The following DYRK4 variants were observed in gnomAD, a reference collection of about 807,000 sequenced individuals.
The protein encoded by DYRK4 is dual specificity tyrosine phosphorylation regulated kinase 4.
DYRK4 carries 64 observed loss-of-function variants against 68.3 expected under a neutral mutation model. That is an observed-to-expected ratio of 0.94 (90% CI 0.77 to 1.15). The LOEUF is 1.15. Ranked by LOEUF, DYRK4 falls within the 50% of genes most tolerant of loss-of-function variation. The pLI is 0.00. For synonymous variants in DYRK4, 274 were observed against 289.9 expected (o/e 0.95, Z 0.56); for missense variants, 740 against 764.7 (o/e 0.97, Z 0.38).
chr12:4,572,355 C>G (rs565937051), intron 2 of DYRK4, among the ~76,000 whole-genome samples: 2 of 152,272 alleles, frequency 1.3e-5, no homozygotes, highest in Admixed American at 1.3e-4. Flanking sequence ...GATCTTGGCT[C>G]ACTGCAAGCT....
In DYRK4 at chr12:4,599,799, T is replaced by C. The variant is rs565349618; in HGVS notation, c.1126+11T>C. ...ATGAACACCAGAAAGGTGAGCCCCA[T>C]GTCAGTCCCATCATCTGAGTTTTCC... On this transcript the variant is annotated intron_variant, in intron 10 of 14. Coordinates refer to ENST00000543431, the MANE Select transcript of DYRK4 (RefSeq NM_001394779.1). The C allele has an allele frequency of 1.2e-6, 2 of 1,611,098 alleles. No homozygotes were observed. The highest frequency in any genetic ancestry group is 8.5e-7 in the Non-Finnish European group (1 of 1,178,032).
chr12:4,587,047 T>A (rs1483533219), intron 2 of DYRK4, among the ~76,000 whole-genome samples: 3 of 152,026 alleles, frequency 2.0e-5, no homozygotes, highest in African/African-American at 7.3e-5. Flanking sequence ...CCCATGAGCA[T>A]TATTTTATCA....
intron 2 of DYRK4, among the ~76,000 whole-genome samples, chr12:4,573,843 A>G (rs1010651187): frequency 2.0e-5 from 3 of 152,224 alleles, no homozygotes; most frequent in African/African-American, 7.2e-5. Context: ...TGTGTTGAGT[A>G]TATATAAAAT....
Position 4,591,394 on chromosome 12 carries a change from G to A in DYRK4, c.463+96G>A. 2 of 1,488,414 alleles carry A rather than the reference G, an allele frequency of 1.3e-6. No homozygotes were observed. Among genetic ancestry groups the A allele is most frequent in the South Asian group, 1.4e-5 (1 of 71,838 alleles). The allele number at this position is 1,488,414 out of a possible 1,614,324, so 92.2% of individuals were successfully genotyped here. ...GCTGGAGTGAGCTAAGCTGCCAGGT[G>A]TCAGAGTAGTCAAAGAAGGCAGCCA... On this transcript the variant is annotated intron_variant, in intron 5 of 14. Coordinates refer to ENST00000543431, the MANE Select transcript of DYRK4 (RefSeq NM_001394779.1). This position sits in a 1 kb window ranked among gnomAD's most constrained non-coding sequence, Gnocchi z 4.1.
At chr12:4,586,705 T>TACACACACAC (rs527544594) in intron 2 of DYRK4, among the ~76,000 whole-genome samples, 57 of 77,586 alleles carry the variant, frequency 7.3e-4, no homozygotes, top group African/African-American at 1.4e-3. Flanking sequence ...CTGGGCTGCG[T>TACACACACAC]ACACACACAC....
At chr12:4,563,276 C>T (rs1460217182) in intron 1 of DYRK4, 1 of 395,950 alleles carries the variant, frequency 2.5e-6, no homozygotes, top group Admixed American at 2.8e-5. Context: ...TGTTTTGGTC[C>T]TTATGGAGAA....
chr12:4,573,629 C>G (rs1944754846), intron 2 of DYRK4, among the ~76,000 whole-genome samples: 1 of 152,046 alleles, frequency 6.6e-6, no homozygotes, highest in Non-Finnish European at 1.5e-5. Flanking sequence ...CCTGCCCTCC[C>G]GGTGTGTGTT....
At chr12:4,586,175 C>T (rs1944894408) in intron 2 of DYRK4, among the ~76,000 whole-genome samples, 2 of 152,258 alleles carry the variant, frequency 1.3e-5, no homozygotes, top group African/African-American at 4.8e-5. Flanking sequence ...GCCTGGGTAA[C>T]AGGGCAAGAC....
intron 11 of DYRK4, among the ~76,000 whole-genome samples, chr12:4,606,424 AATTTC>A (rs1359324134): frequency 1.2e-4 from 19 of 152,210 alleles, no homozygotes; most frequent in Admixed American, 3.3e-4. Context: ...AAACATAGAT[AATTTC>A]ATTTCATGAT....
At chr12:4,580,230 T>G (rs1222220390) in intron 2 of DYRK4, among the ~76,000 whole-genome samples, 1 of 152,164 alleles carries the variant, frequency 6.6e-6, no homozygotes, top group African/African-American at 2.4e-5. Flanking sequence ...TTTCCACCTC[T>G]ACTAGGGACA....
rs372492666 is a variant in DYRK4, at chr12:4,610,119, A to C, written c.1361-36A>C. On this transcript the variant is annotated intron_variant, in intron 12 of 14. Transcript: ENST00000543431. ...CATCATGTGACCACTAAAGATTTAC[A>C]CCTGAAACTAAATACAGAATGTTCT... The C allele has an allele frequency of 4.3e-5, 66 of 1,540,028 alleles. 1 individual carries two copies. The highest frequency in any genetic ancestry group is 8.7e-7 in the Non-Finnish European group (1 of 1,148,478).
At chr12:4,602,381 T>C in intron 10 of DYRK4, 1 of 905,886 alleles carries the variant, frequency 1.1e-6, no homozygotes, top group Non-Finnish European at 1.8e-6. Flanking sequence ...CGTTTTGTAG[T>C]TCTTTCTGTC....
At position 4,599,037 on chromosome 12, in the gene DYRK4, G is replaced by A; in HGVS notation, c.915G>A (p.Leu305=). The change falls in exon 9 of 15, where the codon TTG becomes TTA. Residue 305 remains leucine, a synonymous_variant. Transcript: ENST00000543431. ...CITFELLGIN[L]YELMKNNNFQ... The stretch of plus-strand genomic sequence containing the variant: ...TTCCCCTCTTTTCCAGAATCAACTT[G>A]TATGAGTTGATGAAGAATAACAACT... 1 of 1,614,030 alleles carries A rather than the reference G, an allele frequency of 6.2e-7. No homozygotes were observed. The highest frequency in any genetic ancestry group is 8.5e-7 in the Non-Finnish European group (1 of 1,180,004).
rs2137362903 is a variant in DYRK4 at position 4,591,077 on chromosome 12, G to A, written c.325-83G>A. 6.6e-7 allele frequency: 1 copy of A among 1,507,256 alleles called. No homozygotes were observed. Among genetic ancestry groups the A allele is most frequent in the Non-Finnish European group, 9.0e-7 (1 of 1,117,188 alleles). 93.4% of individuals were successfully genotyped at this position (1,507,256 alleles called of 1,614,324 possible). A position where few individuals can be genotyped will look rare whatever the true frequency, so the allele number is the denominator to read the frequency against. The stretch of plus-strand genomic sequence containing the variant: ...TAGGTAAAGAGCCTGGCTGAAGGTG[G>A]GTGTCTTTGGTTAAATAAATGGTTT... On this transcript the variant is annotated intron_variant, in intron 4 of 14. Transcript: ENST00000543431. This position sits in a 1 kb window ranked among gnomAD's most constrained non-coding sequence, Gnocchi z 4.1.
intron 2 of DYRK4, among the ~76,000 whole-genome samples, chr12:4,588,169 C>A (rs571303325): frequency 6.6e-6 from 1 of 152,118 alleles, no homozygotes; most frequent in Non-Finnish European, 1.5e-5. Context: ...AAGTGATCGT[C>A]CCACCTCAGC....
chr12:4,588,298 C>T (rs1448773138), intron 2 of DYRK4, among the ~76,000 whole-genome samples: 1 of 152,138 alleles, frequency 6.6e-6, no homozygotes, highest in African/African-American at 2.4e-5. Context: ...GTTCAATGTG[C>T]TTGTTACAGT....
At chr12:4,573,136 A>G in intron 2 of DYRK4, 1 of 396,364 alleles carries the variant, frequency 2.5e-6, no homozygotes, top group South Asian at 2.1e-5. Context: ...ATGCAAATGG[A>G]AGACTCGAAC....
chr12:4,600,404 T>C (rs1402385990), intron 10 of DYRK4, among the ~76,000 whole-genome samples: 1 of 151,810 alleles, frequency 6.6e-6, no homozygotes, highest in Non-Finnish European at 1.5e-5. Flanking sequence ...TGTCCTCAGG[T>C]TGCTTACTAT....
At chr12:4,588,067 T>C (rs1485071478) in intron 2 of DYRK4, among the ~76,000 whole-genome samples, 6 of 152,210 alleles carry the variant, frequency 3.9e-5, no homozygotes, top group Non-Finnish European at 8.8e-5. Flanking sequence ...GTTTTATTAT[T>C]GTTTTTTGTA....
Sources: gnomAD v4.1 joint callset for allele counts (sites outside exome capture counted in the v4.1 genomes callset) on GRCh38, gnomAD v4.1.1 for gene constraint, Gnocchi (gnomAD v3.1) non-coding constraint, MANE v1.5 for transcripts, NCBI Gene and HGNC (gene_info 2026-07-23, HGNC 2026-07-21) for gene names.